The following MIS18A variants were observed in gnomAD, a reference collection of about 807,000 sequenced individuals.
The protein encoded by MIS18A is MIS18 kinetochore protein A.
In MIS18A, 14 loss-of-function variants were observed where a neutral mutation model predicts 25.0. That is an observed-to-expected ratio of 0.56 (90% CI 0.37 to 0.88). The LOEUF is 0.88. Among genes scored for constraint, MIS18A ranks in the 40% least tolerant of loss-of-function variants. MIS18A has a pLI of 0.00. For missense variants in MIS18A, 292 were observed against 290.8 expected, an observed-to-expected ratio of 1.00 and a Z score of -0.03; for synonymous variants, 134 against 118.6, an observed-to-expected ratio of 1.13 and a Z score of -0.84.
At chr21:32,175,381 G>A in the MIS18A span, among the ~76,000 whole-genome samples, 9 of 151,986 alleles carry the variant, frequency 5.9e-5, no homozygotes, top group African/African-American at 2.2e-4. Flanking sequence ...TGTACACTTA[G>A]GTCACACAAA....
the MIS18A span, among the ~76,000 whole-genome samples, chr21:32,188,595 G>A: frequency 5.9e-5 from 9 of 152,290 alleles, no homozygotes; most frequent in South Asian, 6.2e-4. Flanking sequence ...ATATTTGTTG[G>A]GTAAGTGCTC....
chr21:32,233,753 A>G, the MIS18A span, among the ~76,000 whole-genome samples: 6 of 152,106 alleles, frequency 3.9e-5, no homozygotes, highest in East Asian at 1.2e-3. Context: ...TAGGGTTCAC[A>G]ATGACCCCCA....
chr21:32,168,112 A>C, the MIS18A span, among the ~76,000 whole-genome samples: 2 of 152,160 alleles, frequency 1.3e-5, no homozygotes, highest in Middle Eastern at 3.2e-3. Context: ...AGAGATGATC[A>C]ATCTCTCTCT....
chr21:32,194,675 AGATAT>A, the MIS18A span, among the ~76,000 whole-genome samples: 1 of 151,610 alleles, frequency 6.6e-6, no homozygotes, highest in East Asian at 1.9e-4. Context: ...AAAAAAAAAA[AGATAT>A]AGATATAGAC....
At chr21:32,202,149 C>T in the MIS18A span, among the ~76,000 whole-genome samples, 3 of 151,688 alleles carry the variant, frequency 2.0e-5, no homozygotes, top group South Asian at 2.1e-4. Context: ...ATTAGCTGGG[C>T]GTGGTGATGC....
the MIS18A span, among the ~76,000 whole-genome samples, chr21:32,156,252 T>C: frequency 6.6e-6 from 1 of 152,216 alleles, no homozygotes. Flanking sequence ...GCTTATTAGG[T>C]AGCAAGATTT....
chr21:32,219,808 A>G, the MIS18A span, among the ~76,000 whole-genome samples: 1 of 152,198 alleles, frequency 6.6e-6, no homozygotes, highest in East Asian at 1.9e-4. Flanking sequence ...ATCCACCATT[A>G]CTGAGGCTTG....
chr21:32,170,610 G>A, the MIS18A span, among the ~76,000 whole-genome samples: 1 of 151,938 alleles, frequency 6.6e-6, no homozygotes, highest in Non-Finnish European at 1.5e-5. Context: ...AAAAAATTAA[G>A]AAAAACTAAC....
chr21:32,182,323 A>G, the MIS18A span, among the ~76,000 whole-genome samples: 2 of 152,230 alleles, frequency 1.3e-5, no homozygotes, highest in Non-Finnish European at 2.9e-5. Flanking sequence ...TCTACATTTC[A>G]CAATTTATCT....
downstream of MIS18A, among the ~76,000 whole-genome samples, chr21:32,265,068 C>T (rs371881636): frequency 5.8e-4 from 89 of 152,288 alleles, 1 homozygote; most frequent in African/African-American, 1.9e-3. Flanking sequence ...TGAGAATGGC[C>T]GAAGGAGTAA....
the MIS18A span, among the ~76,000 whole-genome samples, chr21:32,180,488 TG>T: frequency 6.6e-6 from 1 of 152,240 alleles, no homozygotes; most frequent in Non-Finnish European, 1.5e-5. Context: ...CTCTTCTCCA[TG>T]ATCTTGTGAA....
chr21:32,231,081 A>T, the MIS18A span, among the ~76,000 whole-genome samples: 1 of 152,012 alleles, frequency 6.6e-6, no homozygotes. Flanking sequence ...AACAAAAAAT[A>T]CAAAAATTAG....
chr21:32,274,197 CTTTTTTTTTTTT>C lies in MIS18A; in HGVS notation c.401+621_401+632del, dbSNP rs1184186125. The stretch of plus-strand genomic sequence containing the variant: ...TATAATATAGGTATTTCCTTTTCTT[CTTTTTTTTTTTT>C]TTTTTTTTTTTTTTTGAGACGGAGT... On this transcript the variant is annotated intron_variant, in intron 2 of 4. Transcript: ENST00000290130. Among the ~76,000 whole-genome samples, 55 of 72,786 alleles carry C rather than the reference CTTTTTTTTTTTT, an allele frequency of 7.6e-4. 1 individual carries two copies. Among genetic ancestry groups the C allele is most frequent in the African/African-American group, 2.8e-3 (46 of 16,426 alleles). 47.8% of individuals were successfully genotyped at this position (72,786 alleles called of 152,430 possible). A position where few individuals can be genotyped will look rare whatever the true frequency, so the allele number is the denominator to read the frequency against.
At chr21:32,177,693 T>C in the MIS18A span, among the ~76,000 whole-genome samples, 4 of 151,872 alleles carry the variant, frequency 2.6e-5, no homozygotes, top group Non-Finnish European at 5.9e-5. Flanking sequence ...GCACGGAAAA[T>C]CAGAATCGTG....
At chr21:32,266,621 G>A (rs889936945), downstream of MIS18A, among the ~76,000 whole-genome samples, 3 of 151,810 alleles carry the variant, frequency 2.0e-5, no homozygotes, top group Admixed American at 1.3e-4. Context: ...AACACTCACC[G>A]CGAAGGTCTG....
chr21:32,256,816 T>C, the MIS18A span, among the ~76,000 whole-genome samples: 4 of 152,304 alleles, frequency 2.6e-5, no homozygotes, highest in South Asian at 8.3e-4. Flanking sequence ...TCTGTGTATA[T>C]TTTCTTTTAA....
chr21:32,279,043 G>A lies in MIS18A; in HGVS notation c.-29C>T, dbSNP rs1044853249. The stretch of plus-strand genomic sequence containing the variant: ...CTACAAATCGCCCGCGCCCCAGAGC[G>A]CCATGGGAAAAAAAACCGCCGCTGC... On this transcript the variant is annotated 5_prime_UTR_variant, in exon 1 of 5. Transcript: ENST00000290130. 3 of 1,558,346 alleles carry A rather than the reference G, an allele frequency of 1.9e-6. No individual in the cohort carries two copies. Among genetic ancestry groups the A allele is most frequent in the Admixed American group, 1.8e-5 (1 of 54,754 alleles).
At chr21:32,273,467 C>T (rs1040462272) in intron 2 of MIS18A, among the ~76,000 whole-genome samples, 12 of 152,106 alleles carry the variant, frequency 7.9e-5, no homozygotes, top group Admixed American at 2.6e-4. Flanking sequence ...GGATTAAAAA[C>T]GACATTATTA....
chr21:32,273,113 T>C (rs1475607561), intron 2 of MIS18A, among the ~76,000 whole-genome samples: 1 of 151,022 alleles, frequency 6.6e-6, no homozygotes, highest in African/African-American at 2.5e-5. Context: ...GAAACTTTTT[T>C]TCTTTTTTTT....
Sources: allele counts gnomAD v4.1 joint callset (sites outside exome capture counted in the v4.1 genomes callset), GRCh38; gene constraint gnomAD v4.1.1; transcripts MANE v1.5; gene names NCBI Gene and HGNC (gene_info 2026-07-23, HGNC 2026-07-21).